TENM4: variants seen among roughly 807,000 people sequenced by gnomAD.
TENM4 encodes teneurin transmembrane protein 4.
Under a neutral mutation model 243.3 loss-of-function variants are expected in TENM4, and 82 were observed. The observed-to-expected ratio is 0.34, with a 90% confidence interval of 0.28 to 0.40. The LOEUF (loss-of-function observed/expected upper bound fraction) is 0.40. TENM4 is among the 10% of genes least tolerant of loss of function. TENM4 has a pLI of 1.00. For missense variants in TENM4, 3,138 were observed against 3,673.3 expected (o/e 0.85, Z 3.77); for synonymous variants, 1,412 against 1,456.3 (o/e 0.97, Z 0.69).
intron 3 of TENM4, among the ~76,000 whole-genome samples, chr11:79,168,376 C>T (rs1862963656): frequency 6.6e-6 from 1 of 152,084 alleles, no homozygotes; most frequent in Non-Finnish European, 1.5e-5. Context: ...CATGGTGATC[C>T]AGGGGTGTGG....
intron 6 of TENM4, among the ~76,000 whole-genome samples, chr11:79,034,293 A>C (rs780087893): frequency 2.6e-5 from 4 of 152,226 alleles, no homozygotes; most frequent in African/African-American, 9.6e-5. Context: ...CCACTTCTGC[A>C]TGTCAGTTTC....
intron 6 of TENM4, among the ~76,000 whole-genome samples, chr11:79,019,323 C>T (rs181852382): frequency 7.2e-5 from 11 of 152,256 alleles, no homozygotes; most frequent in Admixed American, 6.5e-4. Context: ...TCCCACTAGA[C>T]CTTCATTCTC....
At chr11:79,363,443 G>T (rs980201688) in intron 1 of TENM4, among the ~76,000 whole-genome samples, 2 of 152,252 alleles carry the variant, frequency 1.3e-5, no homozygotes, top group Middle Eastern at 3.2e-3. Flanking sequence ...TATGGAATTT[G>T]ACTAACCTGA....
At chr11:79,171,556 G>A (rs932826727) in intron 3 of TENM4, among the ~76,000 whole-genome samples, 2 of 152,188 alleles carry the variant, frequency 1.3e-5, no homozygotes, top group East Asian at 3.9e-4. Flanking sequence ...ATTAAATATG[G>A]TGTTTTAGAA....
intron 1 of TENM4, among the ~76,000 whole-genome samples, chr11:79,382,645 G>A (rs960103331): frequency 6.6e-6 from 1 of 152,042 alleles, no homozygotes; most frequent in Non-Finnish European, 1.5e-5. Flanking sequence ...AGTCCTCAGT[G>A]AAGCAGGGAG....
intron 4 of TENM4, among the ~76,000 whole-genome samples, chr11:79,140,264 C>G (rs928556685): frequency 1.3e-5 from 2 of 152,054 alleles, no homozygotes; most frequent in Non-Finnish European, 2.9e-5. Flanking sequence ...TTTGCTCAAG[C>G]CTCTTGAGAT....
intron 4 of TENM4, among the ~76,000 whole-genome samples, chr11:79,102,389 A>G (rs1325810362): frequency 6.6e-6 from 1 of 152,206 alleles, no homozygotes; most frequent in Non-Finnish European, 1.5e-5. Context: ...GGCTGGTGCA[A>G]TGGTAAAGCT....
intron 2 of TENM4, among the ~76,000 whole-genome samples, chr11:79,230,375 A>G (rs1292602676): frequency 6.6e-6 from 1 of 152,126 alleles, no homozygotes. Flanking sequence ...GTCTTTCTAG[A>G]CTAGACTTCC....
At chr11:79,207,762 A>G (rs999487912) in intron 3 of TENM4, among the ~76,000 whole-genome samples, 3 of 147,742 alleles carry the variant, frequency 2.0e-5, no homozygotes, top group African/African-American at 5.0e-5. Flanking sequence ...GCTACTCAGG[A>G]GGCTGAGGTA....
intron 1 of TENM4, among the ~76,000 whole-genome samples, chr11:79,425,229 C>A (rs772482232): frequency 7.2e-5 from 11 of 152,128 alleles, no homozygotes; most frequent in African/African-American, 2.4e-4. Context: ...AGGGACCCAG[C>A]CTTTCTGTAG....
At chr11:78,939,490 T>C (rs1189673524) in intron 6 of TENM4, among the ~76,000 whole-genome samples, 1 of 152,214 alleles carries the variant, frequency 6.6e-6, no homozygotes, top group Non-Finnish European at 1.5e-5. Context: ...TGGTATTGCC[T>C]GTACCCAAAA....
rs1858612650 is a variant in TENM4 at position 78,854,084 on chromosome 11, A to C, written c.1681+20T>G. On this transcript the variant is annotated intron_variant, in intron 12 of 33. Transcript: ENST00000278550. ...AAAGAGACAATATCCCACAGCCCCC[A>C]GAGGGTGTGGCTCCCTTACCAATGG... 6.5e-7 allele frequency: 1 copy of C among 1,547,432 alleles called. No individual in the cohort carries two copies. The highest frequency in any genetic ancestry group is 8.7e-7 in the Non-Finnish European group (1 of 1,143,880).
chr11:79,368,473 C>T (rs965859099), intron 1 of TENM4, among the ~76,000 whole-genome samples: 2 of 152,192 alleles, frequency 1.3e-5, no homozygotes, highest in African/African-American at 4.8e-5. Context: ...ACCTGTAATA[C>T]TATTTATATC....
intron 15 of TENM4, among the ~76,000 whole-genome samples, chr11:78,804,123 T>C (rs1406748264): frequency 1.3e-5 from 2 of 152,236 alleles, no homozygotes; most frequent in Admixed American, 1.3e-4. Flanking sequence ...ACTCACTTTG[T>C]TTAAACAGCG....
intron 7 of TENM4, among the ~76,000 whole-genome samples, chr11:78,898,020 C>T (rs145459529): frequency 1.2e-4 from 18 of 152,336 alleles, no homozygotes; most frequent in African/African-American, 4.1e-4. Flanking sequence ...CAGACAGTCC[C>T]TGGGAAATCA....
chr11:78,879,444 G>C, intron 9 of TENM4, among the ~76,000 whole-genome samples: 1 of 148,600 alleles, frequency 6.7e-6, no homozygotes, highest in South Asian at 2.1e-4. Context: ...TGGGAGGTGG[G>C]GAGTGCCTCT....
At chr11:79,151,444 T>C (rs553085667) in intron 3 of TENM4, among the ~76,000 whole-genome samples, 1 of 152,324 alleles carries the variant, frequency 6.6e-6, no homozygotes, top group South Asian at 2.1e-4. Context: ...ATTTTTTATG[T>C]TGACTCTTTG....
intron 3 of TENM4, among the ~76,000 whole-genome samples, chr11:79,207,244 G>A (rs528602048): frequency 2.0e-5 from 3 of 152,312 alleles, no homozygotes; most frequent in Middle Eastern, 3.4e-3. Flanking sequence ...GCTTTGTAAA[G>A]GTGCAAAGGC....
intron 1 of TENM4, among the ~76,000 whole-genome samples, chr11:79,393,819 G>T (rs1459836734): frequency 6.6e-6 from 1 of 152,344 alleles, no homozygotes; most frequent in Admixed American, 6.5e-5. Flanking sequence ...CAGTCAGCAG[G>T]AGTCTGGACT....
Sources: gnomAD v4.1 joint callset for allele counts (sites outside exome capture counted in the v4.1 genomes callset) on GRCh38, gnomAD v4.1.1 for gene constraint, MANE v1.5 for transcripts, NCBI Gene and HGNC (gene_info 2026-07-23, HGNC 2026-07-21) for gene names.